The following CDH18 variants were observed in gnomAD, a reference collection of about 807,000 sequenced individuals.
CDH18 encodes the protein cadherin 18.
Under a neutral mutation model 67.9 loss-of-function variants are expected in CDH18, and 31 were observed. That is an observed-to-expected ratio of 0.46 (90% confidence interval 0.34 to 0.62). CDH18 has a LOEUF of 0.62. Ranked by LOEUF, CDH18 falls within the 20% of genes least tolerant of loss-of-function variation. The pLI is 0.01. For synonymous variants in CDH18, 362 were observed against 347.2 expected (o/e 1.04, Z -0.48); for missense variants, 890 against 975.5 (o/e 0.91, Z 1.17).
chr5:19,953,832 A>AT (rs1234890367), intron 2 of CDH18, among the ~76,000 whole-genome samples: 3 of 151,966 alleles, frequency 2.0e-5, no homozygotes, highest in Non-Finnish European at 2.9e-5. Context: ...TCCTGCTTTA[A>AT]TTTTTTTCTG....
chr5:20,271,983 C>T (rs1345140824), intron 1 of CDH18, among the ~76,000 whole-genome samples: 1 of 151,114 alleles, frequency 6.6e-6, no homozygotes, highest in Non-Finnish European at 1.5e-5. Flanking sequence ...ATTAGCTGCA[C>T]TATTTTTTCA....
chr5:19,660,156 C>T (rs4289560), intron 5 of CDH18, among the ~76,000 whole-genome samples: 151,727 of 152,254 alleles, frequency 1, 75,601 homozygotes, highest in Non-Finnish European at 1. Context: ...TTTTAAAATG[C>T]AACTAAAATA....
chr5:20,412,673 G>A (rs748112534), intron 1 of CDH18, among the ~76,000 whole-genome samples: 12 of 151,996 alleles, frequency 7.9e-5, no homozygotes, highest in Admixed American at 3.3e-4. Context: ...TAAAAACTGG[G>A]CAAAGGACAC....
chr5:19,692,869 CA>C (rs1319614925), intron 5 of CDH18, among the ~76,000 whole-genome samples: 2 of 151,764 alleles, frequency 1.3e-5, no homozygotes, highest in Non-Finnish European at 2.9e-5. Flanking sequence ...CTATACTATC[CA>C]GTAATCTCAC....
intron 2 of CDH18, among the ~76,000 whole-genome samples, chr5:20,117,615 A>G (rs1304836258): frequency 6.6e-6 from 1 of 152,176 alleles, no homozygotes; most frequent in Non-Finnish European, 1.5e-5. Context: ...ATCAAAACAC[A>G]TTGACTTAGA....
At chr5:19,740,826 A>C (rs906829443) in intron 4 of CDH18, among the ~76,000 whole-genome samples, 5 of 152,112 alleles carry the variant, frequency 3.3e-5, no homozygotes, top group African/African-American at 9.7e-5. Context: ...AGACTATATA[A>C]ATTAGGCATG....
At chr5:19,712,716 G>T (rs1310470441) in intron 5 of CDH18, among the ~76,000 whole-genome samples, 3 of 149,070 alleles carry the variant, frequency 2.0e-5, no homozygotes, top group Non-Finnish European at 3.0e-5. Context: ...ATATATAATA[G>T]GAAAATTATA....
intron 1 of CDH18, among the ~76,000 whole-genome samples, chr5:20,333,031 A>G (rs1355997896): frequency 6.7e-6 from 1 of 148,806 alleles, no homozygotes; most frequent in Non-Finnish European, 1.5e-5. Context: ...CACACTGATA[A>G]GGAACTTTTT....
intron 2 of CDH18, among the ~76,000 whole-genome samples, chr5:19,858,430 A>T (rs993053346): frequency 1.3e-5 from 2 of 152,104 alleles, no homozygotes; most frequent in East Asian, 3.9e-4. Context: ...TATTTTAGGG[A>T]CTTTTTGATA....
chr5:19,938,199 C>G (rs1242520173), intron 2 of CDH18, among the ~76,000 whole-genome samples: 1 of 150,764 alleles, frequency 6.6e-6, no homozygotes, highest in Non-Finnish European at 1.5e-5. Flanking sequence ...ACTTGTGAAA[C>G]CTTCCAAGAT....
intron 2 of CDH18, among the ~76,000 whole-genome samples, chr5:20,177,004 T>C (rs1737286998): frequency 6.6e-6 from 1 of 152,196 alleles, no homozygotes; most frequent in African/African-American, 2.4e-5. Context: ...GTAATTCCTT[T>C]TAGAAAAATA....
rs554087826 is a variant in CDH18, at chr5:20,167,354, A to G, written c.-518+88090T>C. ...CTTGTGGTTTATTTTGCTTTTTAAG[A>G]TCGGGATTTTGATCGGGAGAGGGCA... On this transcript the variant is annotated intron_variant, in intron 2 of 14. Transcript: ENST00000507958. Among the ~76,000 whole-genome samples, 8 of 152,176 alleles carry G rather than the reference A, an allele frequency of 5.3e-5. No homozygotes were observed. The South Asian group carries it at 1.7e-3, about 32-fold the overall frequency.
At chr5:19,602,184 T>G (rs1190257790) in intron 6 of CDH18, among the ~76,000 whole-genome samples, 3 of 152,056 alleles carry the variant, frequency 2.0e-5, no homozygotes, top group African/African-American at 7.2e-5. Flanking sequence ...TGACATGATC[T>G]TATACATAGA....
intron 3 of CDH18, among the ~76,000 whole-genome samples, chr5:19,813,331 TA>T (rs529528174): frequency 6.6e-6 from 1 of 151,910 alleles, no homozygotes; most frequent in African/African-American, 2.4e-5. Flanking sequence ...AACCATTGTT[TA>T]AAAAAAGAAT....
chr5:20,373,918 G>A (rs920436716), intron 1 of CDH18, among the ~76,000 whole-genome samples: 2 of 151,954 alleles, frequency 1.3e-5, no homozygotes, highest in Non-Finnish European at 2.9e-5. Context: ...ATAAAATTCA[G>A]TTTAAACCAG....
At chr5:20,449,087 A>G (rs1026806767) in intron 1 of CDH18, among the ~76,000 whole-genome samples, 1 of 152,166 alleles carries the variant, frequency 6.6e-6, no homozygotes, top group Non-Finnish European at 1.5e-5. Flanking sequence ...AATTTTTCAC[A>G]TATATTAAAA....
intron 9 of CDH18, among the ~76,000 whole-genome samples, chr5:19,542,592 A>G (rs2127071676): frequency 6.6e-6 from 1 of 152,310 alleles, no homozygotes; most frequent in East Asian, 1.9e-4. Context: ...AAAATGAAGT[A>G]CCAATGACAC....
intron 9 of CDH18, among the ~76,000 whole-genome samples, chr5:19,543,372 G>C (rs1735741719): frequency 6.6e-6 from 1 of 152,102 alleles, no homozygotes; most frequent in African/African-American, 2.4e-5. Flanking sequence ...TACTTGAAGA[G>C]AGCCTAAACC....
intron 5 of CDH18, among the ~76,000 whole-genome samples, chr5:19,615,549 C>A (rs948244807): frequency 9.2e-5 from 14 of 152,150 alleles, no homozygotes; most frequent in Non-Finnish European, 1.8e-4. Context: ...ATTGACACAT[C>A]ATTACTCTCC....
Sources: allele counts gnomAD v4.1 joint callset (sites outside exome capture counted in the v4.1 genomes callset), GRCh38; gene constraint gnomAD v4.1.1; transcripts MANE v1.5; gene names NCBI Gene and HGNC (gene_info 2026-07-23, HGNC 2026-07-21).